CAMTA1: variants seen among roughly 807,000 people sequenced by gnomAD.
CAMTA1 encodes the protein calmodulin binding transcription activator 1, also known as calmodulin-binding transcription activator 1.
CAMTA1 carries 27 observed loss-of-function variants against 170.9 expected under a neutral mutation model. The ratio of observed to expected loss-of-function variants is 0.16; its 90% CI spans 0.12 to 0.22. CAMTA1 has a LOEUF of 0.22. CAMTA1 is among the 10% of genes least tolerant of loss of function. The probability of loss-of-function intolerance (pLI) is 1.00; values close to 1 mark genes in which losing one functional copy is unlikely to be tolerated. For synonymous variants in CAMTA1, 833 were observed against 891.5 expected (o/e 0.93, Z 1.17); for missense variants, 1,619 against 2,217.2 (o/e 0.73, Z 5.42).
chr1:7,009,597 A>G (rs1699503386), intron 3 of CAMTA1, among the ~76,000 whole-genome samples: 1 of 152,222 alleles, frequency 6.6e-6, no homozygotes, highest in East Asian at 1.9e-4. Flanking sequence ...AGAAAGGGGC[A>G]AGCATCACAC....
At chr1:7,409,187 C>CT (rs2090521456) in intron 5 of CAMTA1, among the ~76,000 whole-genome samples, 1 of 152,212 alleles carries the variant, frequency 6.6e-6, no homozygotes, top group Admixed American at 6.5e-5. Context: ...TCAGGGCATG[C>CT]AGGCTGGACT....
rs2097027410 is a variant in CAMTA1, at chr1:7,766,772, C to A, written c.*281C>A. ...TGTTGGATCACGGGAAATCAAGACA[C>A]CCAGGAGGAATTGAAAGAGGCTTCC... On this transcript the variant is annotated 3_prime_UTR_variant, in exon 23 of 23. Transcript: ENST00000303635. The A allele has an allele frequency of 2.3e-6, 1 of 441,138 alleles. No individual in the cohort carries two copies. Among genetic ancestry groups the A allele is most frequent in the Admixed American group, 3.6e-5 (1 of 27,622 alleles). The allele number at this position is 441,138 out of a possible 1,614,324, so 27.3% of individuals were successfully genotyped here.
intron 6 of CAMTA1, among the ~76,000 whole-genome samples, chr1:7,611,604 TG>T (rs1203280640): frequency 3.3e-5 from 5 of 152,216 alleles, no homozygotes; most frequent in Non-Finnish European, 7.4e-5. Context: ...CCTGGGCTGC[TG>T]GGGGGCCAAG....
intron 5 of CAMTA1, among the ~76,000 whole-genome samples, chr1:7,399,568 C>T (rs746626900): frequency 1.3e-5 from 2 of 152,188 alleles, no homozygotes; most frequent in African/African-American, 2.4e-5. Flanking sequence ...TATCTGCACC[C>T]GTGAGATTAT....
intron 5 of CAMTA1, among the ~76,000 whole-genome samples, chr1:7,306,792 C>T (rs532854733): frequency 1.4e-4 from 21 of 151,918 alleles, no homozygotes; most frequent in Non-Finnish European, 2.7e-4. Flanking sequence ...CTCTCCATAT[C>T]TCAGATTCTA....
chr1:6,914,731 G>A (rs1680430446), intron 3 of CAMTA1, among the ~76,000 whole-genome samples: 1 of 152,212 alleles, frequency 6.6e-6, no homozygotes, highest in Admixed American at 6.5e-5. Context: ...ACGAGCCAGG[G>A]GCTTTTAGTT....
intron 7 of CAMTA1, among the ~76,000 whole-genome samples, chr1:7,658,895 C>G (rs17031270): frequency 0.027 from 4,188 of 152,308 alleles, 180 homozygotes; most frequent in African/African-American, 0.095. Context: ...AAAGCACTGT[C>G]CACCTGAAGA....
intron 11 of CAMTA1, among the ~76,000 whole-genome samples, chr1:7,707,926 A>G (rs1383982551): frequency 2.0e-5 from 3 of 152,204 alleles, no homozygotes; most frequent in Non-Finnish European, 4.4e-5. Context: ...GCTTAACATG[A>G]CAGGCAGACA....
At position 7,146,194 on chromosome 1, in the gene CAMTA1, C is replaced by T. The variant is rs545554364; in HGVS notation, c.302+54823C>T. Among the ~76,000 whole-genome samples the T allele has an allele frequency of 1.4e-4, 21 of 152,182 alleles. No homozygotes were observed. The highest frequency in any genetic ancestry group is 7.8e-4 in the Admixed American group (12 of 15,300). On this transcript the variant is annotated intron_variant, in intron 4 of 22. Coordinates refer to ENST00000303635, the MANE Select transcript of CAMTA1 (RefSeq NM_015215.4). This position sits in a 1 kb window ranked among gnomAD's most constrained non-coding sequence, Gnocchi z 4.3. ...GGCAGCTGCTTATTCCAGAAATTGC[C>T]GTGGGCCTGCAATCCTGCTTGCAAC... is the stretch of plus-strand genomic sequence containing the variant.
intron 4 of CAMTA1, among the ~76,000 whole-genome samples, chr1:7,139,338 C>A (rs1156769660): frequency 7.8e-6 from 1 of 127,908 alleles, no homozygotes; most frequent in Non-Finnish European, 1.7e-5. Context: ...TATTATAAAT[C>A]TATGGTATAT....
At chr1:7,125,206 G>A (rs1644863510) in intron 4 of CAMTA1, among the ~76,000 whole-genome samples, 1 of 152,184 alleles carries the variant, frequency 6.6e-6, no homozygotes, top group Non-Finnish European at 1.5e-5. Flanking sequence ...CTTGAATGGG[G>A]CTGCCCTTCC....
intron 6 of CAMTA1, among the ~76,000 whole-genome samples, chr1:7,517,583 G>A (rs2094304078): frequency 6.6e-6 from 1 of 152,008 alleles, no homozygotes. Flanking sequence ...GATTCCAAAG[G>A]AAGGAAAAAG....
intron 6 of CAMTA1, among the ~76,000 whole-genome samples, chr1:7,499,586 G>A (rs201934277): frequency 0.036 from 4,664 of 128,456 alleles, 548 homozygotes; most frequent in East Asian, 0.24. Context: ...TGAGCCTGGC[G>A]TGAGTGCGTA....
chr1:7,335,124 T>TTGCGTGTGTGTGTGTGTGTGTGTG (rs2083273070), intron 5 of CAMTA1, among the ~76,000 whole-genome samples: 2 of 19,178 alleles, frequency 1.0e-4, no homozygotes, highest in Non-Finnish European at 2.0e-4. Flanking sequence ...AGCACAGCTT[T>TTGCGTGTGTGTGTGTGTGTGTGTG]TGTGTGTGTG....
intron 11 of CAMTA1, among the ~76,000 whole-genome samples, chr1:7,718,848 C>T (rs1244828248): frequency 2.1e-5 from 2 of 95,278 alleles, no homozygotes; most frequent in African/African-American, 3.9e-5. Context: ...TGAGCCCGGT[C>T]AGCCCTTTTT....
intron 6 of CAMTA1, among the ~76,000 whole-genome samples, chr1:7,550,505 G>C (rs1456757074): frequency 6.7e-6 from 1 of 149,650 alleles, no homozygotes; most frequent in African/African-American, 2.5e-5. Context: ...CCTCCCATAT[G>C]GTAGGGGCCT....
At chr1:7,136,185 C>T (rs1321600747) in intron 4 of CAMTA1, among the ~76,000 whole-genome samples, 2 of 152,328 alleles carry the variant, frequency 1.3e-5, no homozygotes, top group East Asian at 3.9e-4. Context: ...CCTCTTCCTC[C>T]TCCACACTCT....
intron 6 of CAMTA1, among the ~76,000 whole-genome samples, chr1:7,525,653 A>G (rs1157258022): frequency 2.0e-5 from 3 of 152,066 alleles, no homozygotes; most frequent in Admixed American, 6.6e-5. Flanking sequence ...AGCTGGAAAG[A>G]TGATTGCAGG....
At chr1:7,261,244 G>GTT (rs1558322889) in intron 5 of CAMTA1, among the ~76,000 whole-genome samples, 1 of 152,126 alleles carries the variant, frequency 6.6e-6, no homozygotes, top group Non-Finnish European at 1.5e-5. Context: ...TCGAGGATGC[G>GTT]TTTTTATTCC....
Sources: gnomAD v4.1 joint callset for allele counts (sites outside exome capture counted in the v4.1 genomes callset) on GRCh38, gnomAD v4.1.1 for gene constraint, Gnocchi (gnomAD v3.1) non-coding constraint, MANE v1.5 for transcripts, NCBI Gene and HGNC (gene_info 2026-07-23, HGNC 2026-07-21) for gene names.